GMPR: variants seen among roughly 807,000 people sequenced by gnomAD.
The protein encoded by GMPR is GMP reductase 1.
A neutral mutation model predicts 38.4 loss-of-function variants in GMPR; 31 were observed. That is an observed-to-expected ratio of 0.81 (90% CI 0.61 to 1.09). The LOEUF is 1.09. Ranked by LOEUF, GMPR falls within the 50% of genes least tolerant of loss-of-function variation. The pLI is 0.00. For synonymous variants in GMPR, 162 were observed against 173.3 expected (o/e 0.93, Z 0.51); for missense variants, 468 against 453.7 (o/e 1.03, Z -0.29).
At chr6:16,253,616 T>G (rs1758915724) in intron 3 of GMPR, among the ~76,000 whole-genome samples, 1 of 150,558 alleles carries the variant, frequency 6.6e-6, no homozygotes, top group East Asian at 1.9e-4. Context: ...CCACCTCCAC[T>G]GGGGGGGGGT....
chr6:16,286,414 A>G (rs968144960), intron 7 of GMPR, among the ~76,000 whole-genome samples: 1 of 151,946 alleles, frequency 6.6e-6, no homozygotes. Flanking sequence ...TGTGTTGGCC[A>G]TAGAACTGCA....
chr6:16,243,264 T>C (rs1758685517), intron 1 of GMPR, among the ~76,000 whole-genome samples: 1 of 152,222 alleles, frequency 6.6e-6, no homozygotes, highest in Non-Finnish European at 1.5e-5. Flanking sequence ...CACGAGTATT[T>C]TGGAACCAGT....
At chr6:16,245,530 T>C (rs1184684182) in intron 1 of GMPR, among the ~76,000 whole-genome samples, 1 of 152,222 alleles carries the variant, frequency 6.6e-6, no homozygotes, top group Non-Finnish European at 1.5e-5. Flanking sequence ...TCTAAGTTAC[T>C]GCAGAAGCAT....
chr6:16,285,558 G>A (rs970401304), intron 6 of GMPR, among the ~76,000 whole-genome samples: 2 of 152,212 alleles, frequency 1.3e-5, no homozygotes, highest in African/African-American at 4.8e-5. Context: ...AGTGGGTGGT[G>A]CCAGCTTCTG....
At position 16,289,031 on chromosome 6, in the gene GMPR, G is replaced by A. The variant is rs1013134505; in HGVS notation, c.698-1431G>A. Among the ~76,000 whole-genome samples, 8 of 152,352 alleles carry A rather than the reference G, an allele frequency of 5.3e-5. No individual in the cohort carries two copies. In the South Asian group the frequency reaches 6.2e-4, roughly 12 times the overall value. On this transcript the variant is annotated intron_variant, in intron 7 of 8. Transcript: ENST00000259727. Reference sequence around the variant, plus strand: ...GAATAAAAGCAGGCTGCCGGAGCCAGCAGTGGCAAACCCTTCTGGCTCCTT... The same window carrying A: ...GAATAAAAGCAGGCTGCCGGAGCCAACAGTGGCAAACCCTTCTGGCTCCTT...
intron 7 of GMPR, among the ~76,000 whole-genome samples, chr6:16,286,759 A>T (rs1759689979): frequency 6.6e-6 from 1 of 151,822 alleles, no homozygotes; most frequent in South Asian, 2.1e-4. Context: ...AAAAAAAAAT[A>T]CCGGGGTGTG....
At chr6:16,247,011 A>G in intron 2 of GMPR, 50 bp downstream of exon 2, 1 of 1,575,484 alleles carries the variant, frequency 6.3e-7, no homozygotes, top group Non-Finnish European at 8.6e-7. Context: ...CACTGTGGAC[A>G]GGTTATCAGG....
intron 3 of GMPR, among the ~76,000 whole-genome samples, chr6:16,252,728 C>T (rs1389114990): frequency 6.6e-6 from 1 of 152,106 alleles, no homozygotes; most frequent in East Asian, 1.9e-4. Flanking sequence ...ATATAGTATA[C>T]TTAGACAGAA....
chr6:16,267,793 C>T (rs1023755033), intron 4 of GMPR, among the ~76,000 whole-genome samples: 3 of 152,130 alleles, frequency 2.0e-5, no homozygotes, highest in African/African-American at 4.8e-5. Flanking sequence ...TGCCTGAGAT[C>T]TAATGTGTTC....
intron 4 of GMPR, among the ~76,000 whole-genome samples, chr6:16,256,571 C>A (rs1323636026): frequency 6.6e-6 from 1 of 150,700 alleles, no homozygotes; most frequent in African/African-American, 2.4e-5. Context: ...CAAGGTCAAC[C>A]AGCTGTACCA....
At chr6:16,242,314 A>C (rs1351478850) in intron 1 of GMPR, among the ~76,000 whole-genome samples, 2 of 147,764 alleles carry the variant, frequency 1.4e-5, no homozygotes, top group Non-Finnish European at 3.0e-5. Context: ...GTTTTAGTCC[A>C]AGCTCTGTCA....
chr6:16,291,668 C>T (rs1409562874), intron 8 of GMPR, among the ~76,000 whole-genome samples: 2 of 152,134 alleles, frequency 1.3e-5, no homozygotes, highest in East Asian at 3.8e-4. Flanking sequence ...CCCAGTGCTT[C>T]CAGCAGCCAA....
chr6:16,269,154 TA>T (rs1255768995), intron 4 of GMPR, among the ~76,000 whole-genome samples: 1 of 152,090 alleles, frequency 6.6e-6, no homozygotes, highest in African/African-American at 2.4e-5. Flanking sequence ...GACTAACATT[TA>T]TAAAGCACCA....
intron 4 of GMPR, among the ~76,000 whole-genome samples, chr6:16,265,078 T>C (rs927932092): frequency 1.3e-5 from 2 of 152,172 alleles, no homozygotes; most frequent in African/African-American, 4.8e-5. Context: ...ACATTCTCAG[T>C]ACTGTGTAAA....
At chr6:16,239,643 G>A (rs1758608042) in intron 1 of GMPR, among the ~76,000 whole-genome samples, 2 of 152,240 alleles carry the variant, frequency 1.3e-5, no homozygotes, top group Admixed American at 6.5e-5. Context: ...GGGGCTGAAG[G>A]AGTAAACACG....
intron 2 of GMPR, among the ~76,000 whole-genome samples, chr6:16,248,330 C>A (rs1758801175): frequency 6.6e-6 from 1 of 150,496 alleles, no homozygotes; most frequent in Admixed American, 6.7e-5. Flanking sequence ...AAAATGGTGT[C>A]CTCGCTTTGG....
At chr6:16,238,824 C>T (rs1344977888) in intron 1 of GMPR, 44 bp downstream of exon 1, 17 of 1,140,216 alleles carry the variant, frequency 1.5e-5, no homozygotes, top group African/African-American at 6.4e-5. Flanking sequence ...ATTTTTTTTT[C>T]CGGGTGGCGC....
intron 5 of GMPR, 140 bp from the exon 6 acceptor site, chr6:16,278,644 C>T: frequency 1.4e-6 from 1 of 705,228 alleles, no homozygotes; most frequent in Non-Finnish European, 2.6e-6. Context: ...GATGGGGCAG[C>T]CTGTTCCCCA....
At chr6:16,277,003 C>G (rs1759484034) in intron 5 of GMPR, among the ~76,000 whole-genome samples, 1 of 152,194 alleles carries the variant, frequency 6.6e-6, no homozygotes, top group Non-Finnish European at 1.5e-5. Context: ...ATCAGAACCC[C>G]AGGCCTACTG....
Sources: gnomAD v4.1 joint callset for allele counts (sites outside exome capture counted in the v4.1 genomes callset) on GRCh38, gnomAD v4.1.1 for gene constraint, MANE v1.5 for transcripts, NCBI Gene and HGNC (gene_info 2026-07-23, HGNC 2026-07-21) for gene names.